Variants in KIF13B observed in about 807,000 individuals in gnomAD.
The protein encoded by KIF13B is kinesin family member 13B.
A neutral mutation model predicts 222.0 loss-of-function variants in KIF13B; 127 were observed. The ratio of observed to expected loss-of-function variants is 0.57; its 90% confidence interval spans 0.50 to 0.66. The LOEUF is 0.66. Ranked by LOEUF, KIF13B falls within the 30% of genes least tolerant of loss-of-function variation. The pLI is 0.00. For missense variants in KIF13B, 2,173 were observed against 2,379.0 expected (o/e 0.91, Z 1.80); for synonymous variants, 976 against 919.0 (o/e 1.06, Z -1.12).
At chr8:29,167,250 C>G (rs1448360490) in intron 11 of KIF13B, 123 bp downstream of exon 11, 1 of 668,172 alleles carries the variant, frequency 1.5e-6, no homozygotes, top group Non-Finnish European at 2.6e-6. Flanking sequence ...AGTTCTCTTG[C>G]TGTAAGAAAT....
At position 29,132,360 on chromosome 8, in the gene KIF13B, CGGGGTTTTTCCG is replaced by C; in HGVS notation, c.2878_2889del (p.Arg960_Pro963del). 1 of 1,591,244 alleles carries C rather than the reference CGGGGTTTTTCCG, an allele frequency of 6.3e-7. No individual in the cohort carries two copies. The highest frequency in any genetic ancestry group is 1.1e-5 in the South Asian group (1 of 87,664). Reference sequence around the variant, plus strand: ...TGGATGATTCCCAAATCCCACAGGGCGGGGTTTTTCCGGGGATCGTTTATTTTATGTCCATAT... The same window carrying C: ...TGGATGATTCCCAAATCCCACAGGGCGGGATCGTTTATTTTATGTCCATAT... On this transcript the variant is annotated inframe_deletion, in exon 23 of 40. Transcript: ENST00000524189.
In KIF13B at chr8:29,071,942, C is replaced by T. The variant is rs1807306087; in HGVS notation, c.4896G>A (p.Arg1632=). The T allele has an allele frequency of 7.2e-7, 1 of 1,382,432 alleles. No homozygotes were observed. Among genetic ancestry groups the T allele is most frequent in the Non-Finnish European group, 9.3e-7 (1 of 1,076,390 alleles). The allele number at this position is 1,382,432 out of a possible 1,614,324, so 85.6% of individuals were successfully genotyped here. The stretch of plus-strand genomic sequence containing the variant: ...CCGGGGCCTCGAGGTCGGGGCGCTC[C>T]CGACCGGGGCTCACGAGCTGCTGGG... ...PGPQQLVSPG[R]ERPDLEAPAP... Residue 1632 remains arginine (R), a synonymous_variant, in exon 39 of 40, where the codon CGG becomes CGA. Transcript: ENST00000524189. This position sits in a 1 kb window ranked among gnomAD's most constrained non-coding sequence, Gnocchi z 4.9.
intron 6 of KIF13B, among the ~76,000 whole-genome samples, chr8:29,184,049 A>G (rs1336319833): frequency 6.6e-6 from 1 of 152,180 alleles, no homozygotes; most frequent in East Asian, 1.9e-4. Flanking sequence ...ACTTATTACC[A>G]TGTAACTGGA....
rs751500202 is a variant in KIF13B at position 29,072,112 on chromosome 8, C to A, written c.4726G>T (p.Ala1576Ser). ...GGGCCCAGGGCGTCCGACAGGGTCGCGGTGGAGACGCTGTGGGAGAAGTAC... is the reference window on the plus strand; with the variant it reads ...GGGCCCAGGGCGTCCGACAGGGTCGAGGTGGAGACGCTGTGGGAGAAGTAC... Reference protein sequence around the residue: ...SGYFSHSVSTATLSDALGPGL... With the variant: ...SGYFSHSVSTSTLSDALGPGL... The change falls in exon 39 of 40, where the codon GCG becomes TCG. Residue 1576 changes from alanine to serine, a missense_variant. By Grantham distance (99) the Ala-to-Ser change is moderately conservative (BLOSUM62 1). Transcript: ENST00000524189. 5.3e-5 allele frequency: 72 copies of A among 1,364,854 alleles called. 1 individual carries two copies. The East Asian group carries it at 2.2e-3, about 41-fold the overall frequency. The allele number at this position is 1,364,854 out of a possible 1,614,324, so 84.5% of individuals were successfully genotyped here.
At chr8:29,087,881 A>C (rs888039388) in intron 37 of KIF13B, among the ~76,000 whole-genome samples, 8 of 151,694 alleles carry the variant, frequency 5.3e-5, no homozygotes, top group Non-Finnish European at 1.5e-5. Flanking sequence ...CAGCCTGGGC[A>C]ACAGAGCGAG....
chr8:29,258,603 T>C (rs1398452271), intron 1 of KIF13B, among the ~76,000 whole-genome samples: 1 of 152,228 alleles, frequency 6.6e-6, no homozygotes, highest in African/African-American at 2.4e-5. Context: ...ATCTCATCTC[T>C]GCTGCCTAAA....
chr8:29,180,827 T>C (rs1254739263), intron 7 of KIF13B, among the ~76,000 whole-genome samples: 1 of 152,072 alleles, frequency 6.6e-6, no homozygotes. Flanking sequence ...TTTTTTTTAA[T>C]GTTATAAGCT....
chr8:29,146,444 C>T lies in KIF13B; in HGVS notation c.2121G>A (p.Leu707=). 6.2e-7 allele frequency: 1 copy of T among 1,613,764 alleles called. No homozygotes were observed. The highest frequency in any genetic ancestry group is 1.1e-5 in the South Asian group (1 of 91,074). The change falls in exon 18 of 40, where the codon CTG becomes CTA. Residue 707 remains leucine, a synonymous_variant. Transcript: ENST00000524189. ...TAACTTTGTATTCTGTTCTTTTATCCAGCTCCTCAGCAATGTAATTAGCTT... is the reference window on the plus strand; with the variant it reads ...TAACTTTGTATTCTGTTCTTTTATCTAGCTCCTCAGCAATGTAATTAGCTT... ...VREANYIAEE[L]DKRTEYKVTL...
chr8:29,109,132 G>A (rs139701426), intron 34 of KIF13B, among the ~76,000 whole-genome samples: 4 of 152,306 alleles, frequency 2.6e-5, no homozygotes, highest in South Asian at 2.1e-4. Flanking sequence ...CCATAGGCCC[G>A]TGGCTAGTTT....
chr8:29,245,809 C>T (rs957983086), intron 1 of KIF13B, among the ~76,000 whole-genome samples: 1 of 151,916 alleles, frequency 6.6e-6, no homozygotes, highest in Non-Finnish European at 1.5e-5. Flanking sequence ...CTAAGGAAAC[C>T]GCTAAAAATC....
chr8:29,250,025 T>A (rs543579188), intron 1 of KIF13B: 1 of 1,289,052 alleles, frequency 7.8e-7, no homozygotes, highest in Non-Finnish European at 1.0e-6. Flanking sequence ...GAGAGTTTCT[T>A]AAAACCACTG....
intron 2 of KIF13B, among the ~76,000 whole-genome samples, chr8:29,209,431 A>G (rs1210810143): frequency 6.6e-6 from 1 of 152,216 alleles, no homozygotes; most frequent in African/African-American, 2.4e-5. Context: ...ACCATCCTAC[A>G]GTGGCCTGAG....
In KIF13B at chr8:29,071,579, C is replaced by G. The variant is rs1486127536; in HGVS notation, c.5218+41G>C. ...CCGGCCACGTTCCTGCTTCCCCAGA[C>G]CCCCGGCACCACCCTGGAGCCCGGA... On this transcript the variant is annotated intron_variant, in intron 39 of 39. Transcript: ENST00000524189. This position sits in a 1 kb window ranked among gnomAD's most constrained non-coding sequence, Gnocchi z 4.9. 1.3e-6 allele frequency: 2 copies of G among 1,511,296 alleles called. No homozygotes were observed. Among genetic ancestry groups the G allele is most frequent in the South Asian group, 1.2e-5 (1 of 83,316 alleles). The allele number at this position is 1,511,296 out of a possible 1,614,324, so 93.6% of individuals were successfully genotyped here.
intron 18 of KIF13B, among the ~76,000 whole-genome samples, chr8:29,143,406 C>T (rs765722737): frequency 1.2e-4 from 18 of 152,268 alleles, no homozygotes; most frequent in Middle Eastern, 3.4e-3. Flanking sequence ...GAAAAGTCCC[C>T]GATTCACCCA....
At chr8:29,110,791 A>C (rs138658569) in intron 32 of KIF13B, 1 of 152,340 alleles carries the variant, frequency 6.6e-6, no homozygotes, top group East Asian at 1.9e-4. Context: ...GTATTTAGTT[A>C]TTTCAAGCAA....
chr8:29,137,398 C>T (rs1025802463), intron 21 of KIF13B, among the ~76,000 whole-genome samples: 1 of 152,244 alleles, frequency 6.6e-6, no homozygotes, highest in Non-Finnish European at 1.5e-5. Context: ...GTATCACAGA[C>T]TTCAACTTGC....
intron 37 of KIF13B, among the ~76,000 whole-genome samples, chr8:29,078,143 A>AAAAAAAG (rs1290691485): frequency 1.3e-5 from 2 of 150,668 alleles, no homozygotes; most frequent in Admixed American, 6.6e-5. Context: ...AAAAAAAAAA[A>AAAAAAAG]AATTAGCAGG....
At chr8:29,207,734 T>C (rs1168279748) in intron 2 of KIF13B, among the ~76,000 whole-genome samples, 1 of 151,652 alleles carries the variant, frequency 6.6e-6, no homozygotes, top group Non-Finnish European at 1.5e-5. Flanking sequence ...ACAGAAGCCA[T>C]GCTTTTCTCT....
chr8:29,167,157 C>G (rs137918488), intron 11 of KIF13B, among the ~76,000 whole-genome samples: 1 of 152,306 alleles, frequency 6.6e-6, no homozygotes, highest in East Asian at 1.9e-4. Flanking sequence ...ATTCTATTTG[C>G]TCCTGTTCAA....
Sources: gnomAD v4.1 joint callset for allele counts (sites outside exome capture counted in the v4.1 genomes callset) on GRCh38, gnomAD v4.1.1 for gene constraint, Gnocchi (gnomAD v3.1) non-coding constraint, MANE v1.5 for transcripts, NCBI Gene and HGNC (gene_info 2026-07-23, HGNC 2026-07-21) for gene names.